Variants in XCR1 observed in about 807,000 individuals in gnomAD.
XCR1 encodes the protein X-C motif chemokine receptor 1.
For synonymous variants in XCR1, 187 were observed against 188.5 expected (o/e 0.99, Z 0.06); for missense variants, 356 against 424.2 (o/e 0.84, Z 1.41).
At chr3:46,032,125 G>T (rs1353669436), upstream of XCR1, among the ~76,000 whole-genome samples, 3 of 152,242 alleles carry the variant, frequency 2.0e-5, no homozygotes, top group African/African-American at 7.2e-5. Flanking sequence ...CCCACCAAAT[G>T]GTGACGCTAA....
At chr3:46,066,441 C>T (rs1698077416) in intron 4 of XCR1, among the ~76,000 whole-genome samples, 2 of 152,300 alleles carry the variant, frequency 1.3e-5, no homozygotes, top group African/African-American at 4.8e-5. Context: ...GACGGGGTTT[C>T]ACCATGTTGG....
chr3:46,056,380 T>G (rs375225578), intron 4 of XCR1, among the ~76,000 whole-genome samples: 5 of 152,238 alleles, frequency 3.3e-5, no homozygotes, highest in African/African-American at 1.2e-4. Flanking sequence ...AACACAAAAT[T>G]TATGACCCAC....
At chr3:46,059,453 A>G (rs1431860223) in intron 4 of XCR1, among the ~76,000 whole-genome samples, 2 of 152,144 alleles carry the variant, frequency 1.3e-5, no homozygotes, top group African/African-American at 4.8e-5. Context: ...TAAACTCTCA[A>G]TCACATTATT....
chr3:46,061,633 T>G (rs1697964108), intron 4 of XCR1, among the ~76,000 whole-genome samples: 2 of 152,170 alleles, frequency 1.3e-5, no homozygotes, highest in Admixed American at 1.3e-4. Context: ...AAGGACTCCT[T>G]AGGACAGTCC....
intron 5 of XCR1, among the ~76,000 whole-genome samples, chr3:46,046,452 CA>C: frequency 6.6e-6 from 1 of 152,320 alleles, no homozygotes; most frequent in Admixed American, 6.5e-5. Flanking sequence ...TTCAGCAAAC[CA>C]TCTGGCAGTG....
chr3:46,044,438 G>T (rs868071179), intron 5 of XCR1, among the ~76,000 whole-genome samples: 2 of 152,022 alleles, frequency 1.3e-5, no homozygotes, highest in South Asian at 4.1e-4. Flanking sequence ...TTTTATTATT[G>T]TTGAGTTGTA....
At chr3:46,070,951 A>G (rs1259323111) in intron 3 of XCR1, among the ~76,000 whole-genome samples, 1 of 151,934 alleles carries the variant, frequency 6.6e-6, no homozygotes, top group Non-Finnish European at 1.5e-5. Flanking sequence ...GAAACCTGTG[A>G]GTTTTTATAT....
chr3:46,044,464 T>C (rs566198430), intron 5 of XCR1, among the ~76,000 whole-genome samples: 48 of 152,370 alleles, frequency 3.2e-4, no homozygotes, highest in African/African-American at 1.2e-3. Context: ...TTTTTTAATA[T>C]ACTCTGGTAT....
upstream of XCR1, among the ~76,000 whole-genome samples, chr3:46,032,272 G>T (rs1708411089): frequency 6.6e-6 from 1 of 152,194 alleles, no homozygotes; most frequent in African/African-American, 2.4e-5. Flanking sequence ...CCTCTTTGGG[G>T]CCTTGTGGTT....
At position 46,041,600 on chromosome 3, in the gene XCR1, A is replaced by G. The variant is rs1195078302; in HGVS notation, c.-32+12320T>C. Reference sequence around the variant, plus strand: ...CAGATTCCCCATGATTGAGGAATTTATAAATAGAAAGGGGGGACTGAAGCC... The same window carrying G: ...CAGATTCCCCATGATTGAGGAATTTGTAAATAGAAAGGGGGGACTGAAGCC... On this transcript the variant is annotated intron_variant, in intron 5 of 5. Transcript: ENST00000683768. 3.3e-5 allele frequency among the ~76,000 whole-genome samples: 5 copies of G among 152,344 alleles called. No individual in the cohort carries two copies. In the East Asian group the frequency reaches 5.8e-4, roughly 18 times the overall value.
intron 5 of XCR1, among the ~76,000 whole-genome samples, chr3:46,050,458 G>A (rs1242515390): frequency 1.3e-5 from 2 of 152,170 alleles, no homozygotes; most frequent in African/African-American, 2.4e-5. Context: ...GAAGTTGTTT[G>A]CACTTTCTCT....
chr3:46,023,128 T>A (rs1575407843), intron 1 of XCR1, among the ~76,000 whole-genome samples: 1 of 151,962 alleles, frequency 6.6e-6, no homozygotes, highest in Non-Finnish European at 1.5e-5. Context: ...CCGTGCGGGG[T>A]CGCGGCGGCG....
At chr3:46,023,087 T>A (rs974931440) in intron 1 of XCR1, among the ~76,000 whole-genome samples, 8 of 152,202 alleles carry the variant, frequency 5.3e-5, no homozygotes, top group African/African-American at 1.9e-4. Context: ...GAAATAATTT[T>A]AAAAACACCA....
At position 46,021,618 on chromosome 3, in the gene XCR1, G is replaced by A. The variant is rs1708153675; in HGVS notation, c.330C>T (p.Ser110=). The A allele has an allele frequency of 6.2e-7, 1 of 1,613,508 alleles. No individual in the cohort carries two copies. The highest frequency in any genetic ancestry group is 8.5e-7 in the Non-Finnish European group (1 of 1,179,724). The part of the protein sequence containing the change: ...FLCKLLNMIF[S]ISLYSSIFFL... ...AGAAGATGCTGCTGTAGAGGCTGAT[G>A]GAGAAGATCATATTGAGGAGTTTGC... The change falls in exon 2 of 2, where the codon TCC becomes TCT. Residue 110 remains serine, a synonymous_variant. Coordinates refer to ENST00000309285, the MANE Select transcript of XCR1 (RefSeq NM_001024644.2). This position sits in a 1 kb window ranked among gnomAD's most constrained non-coding sequence, Gnocchi z 4.7.
intron 5 of XCR1, among the ~76,000 whole-genome samples, chr3:46,051,438 C>T (rs1286291016): frequency 2.0e-5 from 3 of 152,288 alleles, no homozygotes; most frequent in East Asian, 1.9e-4. Context: ...CCACTAAGGA[C>T]GTAGAAGTTA....
intron 4 of XCR1, among the ~76,000 whole-genome samples, chr3:46,064,333 T>C (rs1292670182): frequency 6.6e-6 from 1 of 152,204 alleles, no homozygotes; most frequent in Non-Finnish European, 1.5e-5. Flanking sequence ...GTCTCTCCAG[T>C]GCCTAGGGCA....
intron 2 of XCR1, among the ~76,000 whole-genome samples, chr3:46,075,735 ATGACT>A (rs1189233523): frequency 1.3e-5 from 2 of 152,234 alleles, no homozygotes; most frequent in Non-Finnish European, 2.9e-5. Flanking sequence ...AAAATAGGAA[ATGACT>A]TGAAGAGACA....
At chr3:46,031,429 T>G (rs1426771353), upstream of XCR1, among the ~76,000 whole-genome samples, 3 of 152,214 alleles carry the variant, frequency 2.0e-5, no homozygotes, top group East Asian at 5.8e-4. Flanking sequence ...TGTGCATGCT[T>G]GGGGCAGTGC....
intron 5 of XCR1, among the ~76,000 whole-genome samples, chr3:46,037,509 G>T (rs1278341447): frequency 6.6e-6 from 1 of 152,010 alleles, no homozygotes; most frequent in Non-Finnish European, 1.5e-5. Flanking sequence ...ATTTAAAAAA[G>T]AAAATAAAAT....
Sources: gnomAD v4.1 joint callset for allele counts (sites outside exome capture counted in the v4.1 genomes callset) on GRCh38, gnomAD v4.1.1 for gene constraint, Gnocchi (gnomAD v3.1) non-coding constraint, MANE v1.5 for transcripts, NCBI Gene and HGNC (gene_info 2026-07-23, HGNC 2026-07-21) for gene names.